APBB2: variants seen among roughly 807,000 people sequenced by gnomAD.
The protein encoded by APBB2 is Fe65-like 1.
A neutral mutation model predicts 82.5 loss-of-function variants in APBB2; 38 were observed. That is an observed-to-expected ratio of 0.46 (90% CI 0.36 to 0.60). APBB2 has a LOEUF of 0.60. Among genes scored for constraint, APBB2 ranks in the 20% least tolerant of loss-of-function variants. APBB2 has a pLI of 0.00. For synonymous variants in APBB2, 341 were observed against 368.2 expected (o/e 0.93, Z 0.85); for missense variants, 772 against 972.3 (o/e 0.79, Z 2.74).
At chr4:41,211,844 T>C (rs1446344355) in intron 1 of APBB2, among the ~76,000 whole-genome samples, 2 of 152,224 alleles carry the variant, frequency 1.3e-5, no homozygotes, top group Non-Finnish European at 2.9e-5. Flanking sequence ...ACCATTTTTC[T>C]TATTTTTTCC....
chr4:41,037,711 T>C (rs1040093167), intron 4 of APBB2, among the ~76,000 whole-genome samples: 2 of 152,256 alleles, frequency 1.3e-5, no homozygotes, highest in South Asian at 2.1e-4. Context: ...ATCTAGAGAA[T>C]GTAGACAAAT....
intron 10 of APBB2, among the ~76,000 whole-genome samples, chr4:40,899,117 G>C (rs1024431381): frequency 2.0e-5 from 3 of 152,158 alleles, no homozygotes; most frequent in African/African-American, 7.2e-5. Flanking sequence ...TTTTGACCTT[G>C]GGTGAGTTAG....
intron 10 of APBB2, among the ~76,000 whole-genome samples, chr4:40,898,565 T>TTTA (rs1057158261): frequency 6.6e-6 from 1 of 151,772 alleles, no homozygotes; most frequent in South Asian, 2.1e-4. Context: ...GCATCCGGCT[T>TTTA]TTATTATTAT....
chr4:41,048,684 C>G (rs13104046), intron 4 of APBB2, among the ~76,000 whole-genome samples: 2 of 143,698 alleles, frequency 1.4e-5, no homozygotes, highest in Admixed American at 6.9e-5. Context: ...CCTACGGTCT[C>G]CCTCTCCCTC....
intron 10 of APBB2, among the ~76,000 whole-genome samples, chr4:40,911,499 C>T (rs1778544991): frequency 1.3e-5 from 2 of 152,164 alleles, no homozygotes; most frequent in African/African-American, 4.8e-5. Context: ...TATAAAATAT[C>T]GATTCAGTCG....
intron 12 of APBB2, among the ~76,000 whole-genome samples, chr4:40,870,163 T>G (rs1765087057): frequency 6.6e-6 from 1 of 152,166 alleles, no homozygotes; most frequent in South Asian, 2.1e-4. Context: ...CATTTGTCTG[T>G]TTTTGACTTC....
intron 6 of APBB2, among the ~76,000 whole-genome samples, chr4:40,995,052 G>A (rs1191593594): frequency 6.6e-6 from 1 of 152,002 alleles, no homozygotes; most frequent in African/African-American, 2.4e-5. Flanking sequence ...ATCATCTCAA[G>A]GGAAAGAAGG....
intron 4 of APBB2, among the ~76,000 whole-genome samples, chr4:41,033,640 A>G (rs528015189): frequency 7.5e-6 from 1 of 133,714 alleles, no homozygotes; most frequent in South Asian, 2.2e-4. Flanking sequence ...ACCACTACAG[A>G]AAAAAAAAAA....
intron 17 of APBB2, 100 bp downstream of exon 17, chr4:40,821,771 C>A: frequency 7.3e-7 from 1 of 1,376,666 alleles, no homozygotes; most frequent in South Asian, 1.4e-5. Context: ...TTTAGGGATT[C>A]GACTTTTTTC....
At chr4:41,156,108 T>C (rs1188536120) in intron 1 of APBB2, among the ~76,000 whole-genome samples, 4 of 148,852 alleles carry the variant, frequency 2.7e-5, no homozygotes, top group Non-Finnish European at 5.9e-5. Context: ...AAAAAAACCC[T>C]GAACTTTGTA....
intron 2 of APBB2, among the ~76,000 whole-genome samples, chr4:41,109,782 T>G (rs1241080654): frequency 1.3e-5 from 2 of 152,208 alleles, no homozygotes; most frequent in Non-Finnish European, 2.9e-5. Flanking sequence ...GAAAGCAATA[T>G]GATTTTATAA....
chr4:41,062,756 G>A (rs890871995), intron 4 of APBB2, among the ~76,000 whole-genome samples: 1 of 152,098 alleles, frequency 6.6e-6, no homozygotes, highest in African/African-American at 2.4e-5. Context: ...CAGAGGCCTC[G>A]GGGCAGCAAT....
At chr4:40,915,707 C>A (rs1269172895) in intron 10 of APBB2, among the ~76,000 whole-genome samples, 1 of 151,858 alleles carries the variant, frequency 6.6e-6, no homozygotes, top group Non-Finnish European at 1.5e-5. Flanking sequence ...TGTTCCCAAC[C>A]CCAGAGAGAA....
intron 7 of APBB2, among the ~76,000 whole-genome samples, chr4:40,938,639 T>C (rs13140410): frequency 0.23 from 34,570 of 152,132 alleles, 4,629 homozygotes; most frequent in East Asian, 0.52. Flanking sequence ...GGACTTTCTC[T>C]ACAATGCTAA....
chr4:41,156,567 G>A (rs541125149), intron 1 of APBB2, among the ~76,000 whole-genome samples: 30 of 152,172 alleles, frequency 2.0e-4, no homozygotes, highest in East Asian at 1.9e-4. Flanking sequence ...TGACACTAGC[G>A]GTGAAAATAA....
intron 12 of APBB2, chr4:40,857,106 C>T: frequency 1.0e-6 from 1 of 985,506 alleles, no homozygotes; most frequent in Non-Finnish European, 1.2e-6. Flanking sequence ...CGGCACCAGC[C>T]AGCGGTGCCG....
In APBB2 at chr4:41,075,027, G is replaced by C. The variant is rs1384227074; in HGVS notation, c.-148-9354C>G. 2.6e-5 allele frequency among the ~76,000 whole-genome samples: 4 copies of C among 152,080 alleles called. No individual in the cohort carries two copies. The East Asian group carries it at 7.7e-4, about 29-fold the overall frequency. On this transcript the variant is annotated intron_variant, in intron 3 of 17. Transcript: ENST00000508593. ...ACGTGTCTGTAGTCCCAGCTACCTG[G>C]GGGGCTGAGGCAGGAGGACTGCTTG...
chr4:40,835,274 T>TAA lies in APBB2; in HGVS notation c.1530-4699_1530-4698dup, dbSNP rs55645125. The stretch of plus-strand genomic sequence containing the variant: ...CTGGGTGAGAGAGCAAGATTCCGTC[T>TAA]AAAAAAAAAAAAAAAAAAATTCAAT... On this transcript the variant is annotated intron_variant, in intron 12 of 17. Transcript: ENST00000508593. 7.1e-3 allele frequency among the ~76,000 whole-genome samples: 929 copies of TAA among 130,968 alleles called. 3 individuals are homozygous for TAA. Among genetic ancestry groups the TAA allele is most frequent in the South Asian group, 0.014 (58 of 4,026 alleles). 85.9% of individuals were successfully genotyped at this position (130,968 alleles called of 152,430 possible).
chr4:40,823,599 C>T, intron 16 of APBB2, 45 bp downstream of exon 16: 1 of 1,359,858 alleles, frequency 7.4e-7, no homozygotes, highest in South Asian at 1.2e-5. Flanking sequence ...GTATCTTATA[C>T]TCACTGTATA....
Sources: gnomAD v4.1 joint callset for allele counts (sites outside exome capture counted in the v4.1 genomes callset) on GRCh38, gnomAD v4.1.1 for gene constraint, MANE v1.5 for transcripts, NCBI Gene and HGNC (gene_info 2026-07-23, HGNC 2026-07-21) for gene names.